Variants in NOL4L observed in about 807,000 individuals in gnomAD.
The protein encoded by NOL4L is nucleolar protein 4-like.
A neutral mutation model predicts 64.5 loss-of-function variants in NOL4L; 7 were observed. The observed-to-expected ratio is 0.11, with a 90% CI of 0.06 to 0.20. The LOEUF (loss-of-function observed/expected upper bound fraction) is 0.20. NOL4L is among the 10% of genes least tolerant of loss of function. The probability of loss-of-function intolerance (pLI) is 1.00; values close to 1 mark genes in which losing one functional copy is unlikely to be tolerated. For missense variants in NOL4L, 680 were observed against 967.1 expected (o/e 0.70, Z 3.94); for synonymous variants, 413 against 401.0 (o/e 1.03, Z -0.36).
intron 4 of NOL4L, among the ~76,000 whole-genome samples, chr20:32,486,965 G>A (rs1321675824): frequency 2.0e-5 from 3 of 152,286 alleles, no homozygotes; most frequent in Admixed American, 6.5e-5. Flanking sequence ...CTTTCTAAAC[G>A]ATAAGATGAA....
chr20:32,455,855 C>T (rs1777528741), intron 6 of NOL4L, among the ~76,000 whole-genome samples: 1 of 152,190 alleles, frequency 6.6e-6, no homozygotes. Context: ...TGCATATCCA[C>T]CTACCACCTC....
rs2012258261 is a variant in NOL4L at position 32,444,739 on chromosome 20, C to T, written c.*2857G>A. On this transcript the variant is annotated 3_prime_UTR_variant, in exon 11 of 11. Coordinates refer to ENST00000621426, the MANE Select transcript of NOL4L (RefSeq NM_001256798.2). ...TCCTACTCTTGCATTTCCTTTTTAA[C>T]TTAGGATCCCAAATGATCACTTTGT... The T allele has an allele frequency of 6.6e-6, 1 of 152,186 alleles. No homozygotes were observed. 9.4% of individuals were successfully genotyped at this position (152,186 alleles called of 1,614,324 possible).
chr20:32,452,476 G>T, intron 9 of NOL4L, 39 bp from the exon 10 acceptor site: 8 of 1,510,206 alleles, frequency 5.3e-6, no homozygotes, highest in Non-Finnish European at 7.1e-6. Flanking sequence ...AAACCAAGGG[G>T]CAGCTGGCCC....
At chr20:32,520,787 C>A in intron 3 of NOL4L, 24 bp downstream of exon 3, 1 of 1,451,112 alleles carries the variant, frequency 6.9e-7, no homozygotes. Context: ...CCGCCCTAGC[C>A]CTCCAGCACG....
chr20:32,484,888 C>T (rs1040010923), intron 4 of NOL4L, among the ~76,000 whole-genome samples: 1 of 151,584 alleles, frequency 6.6e-6, no homozygotes, highest in Non-Finnish European at 1.5e-5. Context: ...GCAACACTCT[C>T]ATCACCAAAC....
chr20:32,551,885 C>A (rs1374784055), intron 1 of NOL4L, among the ~76,000 whole-genome samples: 3 of 152,098 alleles, frequency 2.0e-5, no homozygotes, highest in African/African-American at 7.2e-5. Context: ...AACTCCTGGG[C>A]TCAAGTGATC....
At chr20:32,578,106 AGAAAGG>A (rs1980227682) in intron 1 of NOL4L, among the ~76,000 whole-genome samples, 1 of 120,750 alleles carries the variant, frequency 8.3e-6, no homozygotes, top group Non-Finnish European at 1.7e-5. Context: ...AAAGAAAGAG[AGAAAGG>A]AAGGAAGGAA....
chr20:32,474,684 G>T lies in NOL4L; in HGVS notation c.758C>A (p.Ala253Asp). Residue 253 changes from alanine to aspartate, a missense_variant, in exon 5 of 11, where the codon GCT (alanine) becomes GAT (aspartate). Ala to Asp is a moderately radical substitution (Grantham distance 126, BLOSUM62 -2). Coordinates refer to ENST00000621426, the MANE Select transcript of NOL4L (RefSeq NM_001256798.2). ...CAGGCTGGAGGCCAGGTGCGGGTCA[G>T]CTGACATCCATGTGGAGTCGCTCAT... ...FDMSDSTWMS[A>D]DPHLASSLSP... The T allele has an allele frequency of 6.2e-7, 1 of 1,613,814 alleles. No individual in the cohort carries two copies.
chr20:32,491,204 A>C (rs2016454578), intron 4 of NOL4L, among the ~76,000 whole-genome samples: 1 of 152,224 alleles, frequency 6.6e-6, no homozygotes, highest in African/African-American at 2.4e-5. Flanking sequence ...CATGCTGGTC[A>C]TGGGCGGTGT....
At chr20:32,576,219 A>C (rs1980096047) in intron 1 of NOL4L, among the ~76,000 whole-genome samples, 2 of 152,108 alleles carry the variant, frequency 1.3e-5, no homozygotes, top group African/African-American at 4.8e-5. Flanking sequence ...TTGTGGGAAG[A>C]AGGGGTTATG....
In NOL4L at chr20:32,488,825, CTTTTTCTTTCTTTCTT is replaced by C. The variant is rs1241396421; in HGVS notation, c.700-14099_700-14084del. Among the ~76,000 whole-genome samples the C allele has an allele frequency of 3.0e-3, 112 of 37,882 alleles. 7 individuals are homozygous for C. The Middle Eastern group carries it at 0.035, about 12-fold the overall frequency. 24.9% of individuals were successfully genotyped at this position (37,882 alleles called of 152,430 possible). ...TTTCTTTTTCTTTCTTTCTTTCTTT[CTTTTTCTTTCTTTCTT>C]TCTTTCTTTCTTTCTTTCTTTCTTT... is the stretch of plus-strand genomic sequence containing the variant. On this transcript the variant is annotated intron_variant, in intron 4 of 10. Coordinates refer to ENST00000621426, the MANE Select transcript of NOL4L (RefSeq NM_001256798.2).
At chr20:32,487,124 C>T (rs898952645) in intron 4 of NOL4L, among the ~76,000 whole-genome samples, 3 of 151,916 alleles carry the variant, frequency 2.0e-5, no homozygotes, top group African/African-American at 2.4e-5. Context: ...CAAAATTGGA[C>T]GGGCGTGGTG....
chr20:32,579,499 A>G (rs898856498), intron 1 of NOL4L, among the ~76,000 whole-genome samples: 1 of 151,048 alleles, frequency 6.6e-6, no homozygotes, highest in Admixed American at 6.6e-5. Context: ...CCACCCCCCA[A>G]TCCTCCCAGC....
At chr20:32,484,806 A>G (rs1225280849) in intron 4 of NOL4L, among the ~76,000 whole-genome samples, 1 of 152,042 alleles carries the variant, frequency 6.6e-6, no homozygotes, top group Non-Finnish European at 1.5e-5. Context: ...CCCGGGGCGC[A>G]GGAGGAGGCA....
At chr20:32,507,664 A>AT (rs1412005674) in intron 4 of NOL4L, among the ~76,000 whole-genome samples, 5 of 152,210 alleles carry the variant, frequency 3.3e-5, no homozygotes, top group East Asian at 1.9e-4. Flanking sequence ...GATTATTGAG[A>AT]TTTTTTCTTA....
chr20:32,558,953 A>T (rs907258943), intron 1 of NOL4L, among the ~76,000 whole-genome samples: 12 of 152,142 alleles, frequency 7.9e-5, no homozygotes, highest in Non-Finnish European at 1.5e-5. Flanking sequence ...AGGGAAGGTG[A>T]GCCGATTGCA....
At chr20:32,467,489 G>A (rs1024671697) in intron 5 of NOL4L, among the ~76,000 whole-genome samples, 2 of 152,290 alleles carry the variant, frequency 1.3e-5, no homozygotes, top group East Asian at 1.9e-4. Flanking sequence ...TGGGGATGCC[G>A]CTGAGGGTGG....
intron 4 of NOL4L, among the ~76,000 whole-genome samples, chr20:32,477,901 G>A (rs2015492869): frequency 6.6e-6 from 1 of 152,252 alleles, no homozygotes; most frequent in Non-Finnish European, 1.5e-5. Context: ...ATTAGGAGGA[G>A]CACCCAGTGC....
At chr20:32,452,058 G>A (rs2145426066) in intron 10 of NOL4L, among the ~76,000 whole-genome samples, 178 bp downstream of exon 10, 1 of 152,352 alleles carries the variant, frequency 6.6e-6, no homozygotes, top group African/African-American at 2.4e-5. Context: ...CTAAGGACCA[G>A]CTAAGACGAT....
Sources: allele counts gnomAD v4.1 joint callset (sites outside exome capture counted in the v4.1 genomes callset), GRCh38; gene constraint gnomAD v4.1.1; transcripts MANE v1.5; gene names NCBI Gene and HGNC (gene_info 2026-07-23, HGNC 2026-07-21).